The following EPB41L2 variants were observed in gnomAD, a reference collection of about 807,000 sequenced individuals.
EPB41L2 encodes band 4.1-like protein 2.
A neutral mutation model predicts 113.0 loss-of-function variants in EPB41L2; 43 were observed. That is an observed-to-expected ratio of 0.38 (90% CI 0.30 to 0.49). EPB41L2 has a LOEUF of 0.49. Ranked by LOEUF, EPB41L2 falls within the 20% of genes least tolerant of loss-of-function variation. The pLI, the probability that EPB41L2 is intolerant of heterozygous loss-of-function variation, is 0.95. For missense variants in EPB41L2, 1,147 were observed against 1,223.4 expected, an observed-to-expected ratio of 0.94 and a Z score of 0.93; for synonymous variants, 442 against 436.7, an observed-to-expected ratio of 1.01 and a Z score of -0.15.
intron 1 of EPB41L2, among the ~76,000 whole-genome samples, chr6:130,987,073 G>C (rs969518479): frequency 6.6e-6 from 1 of 151,962 alleles, no homozygotes; most frequent in African/African-American, 2.4e-5. Context: ...TCATCTGTAT[G>C]CCCCAATAAT....
At chr6:130,873,093 ACT>A (rs1399880013) in intron 14 of EPB41L2, among the ~76,000 whole-genome samples, 3 of 151,840 alleles carry the variant, frequency 2.0e-5, no homozygotes, top group Non-Finnish European at 4.4e-5. Context: ...TACCACCTTA[ACT>A]CTCTGTACAA....
At chr6:131,043,284 G>T (rs142055046) in intron 1 of EPB41L2, among the ~76,000 whole-genome samples, 8 of 152,058 alleles carry the variant, frequency 5.3e-5, no homozygotes, top group African/African-American at 1.9e-4. Flanking sequence ...CTGGGTGACA[G>T]AGTAAGACTC....
At chr6:130,987,280 T>G (rs1244822672) in intron 1 of EPB41L2, among the ~76,000 whole-genome samples, 1 of 152,154 alleles carries the variant, frequency 6.6e-6, no homozygotes, top group Non-Finnish European at 1.5e-5. Flanking sequence ...TACTCTATGT[T>G]AAGTTTCTGA....
intron 3 of EPB41L2, among the ~76,000 whole-genome samples, chr6:130,932,498 A>AG (rs1233187979): frequency 6.6e-6 from 1 of 152,230 alleles, no homozygotes; most frequent in Non-Finnish European, 1.5e-5. Flanking sequence ...CCAGATAAAG[A>AG]GAACCACTTA....
At chr6:131,010,413 A>AT (rs1786653500) in intron 1 of EPB41L2, among the ~76,000 whole-genome samples, 1 of 133,812 alleles carries the variant, frequency 7.5e-6, no homozygotes, top group East Asian at 2.6e-4. Flanking sequence ...AGAATTAATT[A>AT]ATTTTTTTTT....
At chr6:130,875,940 ATGCCAT>A (rs550291748) in intron 14 of EPB41L2, among the ~76,000 whole-genome samples, 3 of 150,930 alleles carry the variant, frequency 2.0e-5, no homozygotes, top group Admixed American at 1.3e-4. Context: ...AGCCAAGATC[ATGCCAT>A]TGCACTCCAG....
At chr6:130,928,086 G>C (rs1029603701) in intron 3 of EPB41L2, among the ~76,000 whole-genome samples, 2 of 151,994 alleles carry the variant, frequency 1.3e-5, no homozygotes, top group Non-Finnish European at 2.9e-5. Flanking sequence ...GTGAGACCCT[G>C]TCTCAATAAA....
chr6:130,935,171 A>C (rs1215834635), intron 3 of EPB41L2, among the ~76,000 whole-genome samples: 1 of 152,180 alleles, frequency 6.6e-6, no homozygotes, highest in Non-Finnish European at 1.5e-5. Flanking sequence ...TGCTTAGAAA[A>C]ACACACACTA....
At chr6:130,989,563 T>A (rs1453497659) in intron 1 of EPB41L2, among the ~76,000 whole-genome samples, 1 of 152,216 alleles carries the variant, frequency 6.6e-6, no homozygotes, top group Non-Finnish European at 1.5e-5. Context: ...GTCTGCTCTA[T>A]ACTGTGACGA....
At chr6:130,852,666 T>C (rs1271100608) in intron 19 of EPB41L2, among the ~76,000 whole-genome samples, 2 of 152,160 alleles carry the variant, frequency 1.3e-5, no homozygotes, top group Admixed American at 6.5e-5. Flanking sequence ...ACAAAGAAGG[T>C]AAGTTACATC....
At chr6:130,939,005 C>T (rs566396578) in intron 3 of EPB41L2, among the ~76,000 whole-genome samples, 255 of 152,134 alleles carry the variant, frequency 1.7e-3, no homozygotes, top group African/African-American at 5.9e-3. Flanking sequence ...GAAAGTCTAA[C>T]GGCGAAAAGC....
rs543688441 is a variant in EPB41L2, at chr6:130,895,244, G to C, written c.1237-125C>G. 2.2e-4 allele frequency: 241 copies of C among 1,110,222 alleles called. 1 individual carries two copies. The highest frequency in any genetic ancestry group is 1.5e-3 in the Middle Eastern group (7 of 4,810). 68.8% of individuals were successfully genotyped at this position (1,110,222 alleles called of 1,614,324 possible). A position where few individuals can be genotyped will look rare whatever the true frequency, so the allele number is the denominator to read the frequency against. On this transcript the variant is annotated intron_variant, in intron 8 of 19. Transcript: ENST00000337057. ...TTAACAGGTTTGTATTTAAAGTTTA[G>C]TGACAAGTACGCACGTTAATGAAAA...
intron 1 of EPB41L2, among the ~76,000 whole-genome samples, chr6:131,027,116 C>T (rs1227513153): frequency 6.6e-6 from 1 of 152,146 alleles, no homozygotes; most frequent in Admixed American, 6.5e-5. Flanking sequence ...AGGCAAAATA[C>T]ATTGGAAAAA....
chr6:130,857,853 G>C (rs965402060), intron 19 of EPB41L2, among the ~76,000 whole-genome samples: 8 of 152,092 alleles, frequency 5.3e-5, no homozygotes, highest in Non-Finnish European at 1.2e-4. Flanking sequence ...ATTAATTAAT[G>C]TAACTTACAG....
At position 130,920,140 on chromosome 6, in the gene EPB41L2, C is replaced by G. The variant is rs182473377; in HGVS notation, c.810+6465G>C. On this transcript the variant is annotated intron_variant, in intron 4 of 19. Transcript: ENST00000337057. ...TCTTGGGTTTTCTCATAGCTAAAGT[C>G]AAAGTTATTTCCATCAAAGTAAATC... Among the ~76,000 whole-genome samples, 3 of 152,290 alleles carry G rather than the reference C, an allele frequency of 2.0e-5. No individual in the cohort carries two copies. In the East Asian group the frequency reaches 5.8e-4, roughly 29 times the overall value.
chr6:130,940,825 C>T (rs1442315564), intron 3 of EPB41L2, among the ~76,000 whole-genome samples: 1 of 152,056 alleles, frequency 6.6e-6, no homozygotes, highest in African/African-American at 2.4e-5. Context: ...ACATGCATAC[C>T]GACTCCAGCC....
rs138985114 is a variant in EPB41L2 at position 130,883,801 on chromosome 6, T to A, written c.1833+1295A>T. On this transcript the variant is annotated intron_variant, in intron 12 of 19. Transcript: ENST00000337057. ...TCTGAATTCCCCACCAAATAATTTT[T>A]CCATATGACAGTCACAAATTCTTTA... Among the ~76,000 whole-genome samples the A allele has an allele frequency of 3.1e-3, 468 of 152,298 alleles. 1 individual carries two copies. Among genetic ancestry groups the A allele is most frequent in the African/African-American group, 0.011 (453 of 41,560 alleles).
chr6:131,029,654 T>C (rs1479961787), intron 1 of EPB41L2, among the ~76,000 whole-genome samples: 1 of 152,220 alleles, frequency 6.6e-6, no homozygotes, highest in African/African-American at 2.4e-5. Context: ...CTGAATGTGA[T>C]TTACATGTCA....
chr6:130,872,149 T>C (rs1785915748), intron 14 of EPB41L2, among the ~76,000 whole-genome samples: 1 of 151,898 alleles, frequency 6.6e-6, no homozygotes, highest in African/African-American at 2.4e-5. Flanking sequence ...TCTCTGAATT[T>C]AGGCAGATTT....
Sources: gnomAD v4.1 joint callset for allele counts (sites outside exome capture counted in the v4.1 genomes callset) on GRCh38, gnomAD v4.1.1 for gene constraint, MANE v1.5 for transcripts, NCBI Gene and HGNC (gene_info 2026-07-23, HGNC 2026-07-21) for gene names.